The following TSPAN18 variants were observed in gnomAD, a reference collection of about 807,000 sequenced individuals.
The protein encoded by TSPAN18 is tetraspanin-18.
In TSPAN18, 14 loss-of-function variants were observed where a neutral mutation model predicts 27.3. That is an observed-to-expected ratio of 0.51 (90% CI 0.34 to 0.80). TSPAN18 has a LOEUF of 0.80. TSPAN18 is among the 30% of genes least tolerant of loss of function. The pLI, the probability that TSPAN18 is intolerant of heterozygous loss-of-function variation, is 0.01. For synonymous variants in TSPAN18, 143 were observed against 136.5 expected (o/e 1.05, Z -0.33); for missense variants, 268 against 323.9 (o/e 0.83, Z 1.32).
intron 9 of TSPAN18, among the ~76,000 whole-genome samples, 170 bp downstream of exon 9, chr11:44,926,927 G>A (rs1226682258): frequency 6.6e-6 from 1 of 152,208 alleles, no homozygotes; most frequent in African/African-American, 2.4e-5. Context: ...CTGCCTGAGA[G>A]TCATTCTTGA....
At chr11:44,886,383 A>AAACGCGCGC (rs1271318202) in intron 3 of TSPAN18, 1 of 152,232 alleles carries the variant, frequency 6.6e-6, no homozygotes, top group Non-Finnish European at 1.5e-5. Context: ...CAGTAAAATC[A>AAACGCGCGC]AATGCGCGCC....
chr11:44,926,692 C>G lies in TSPAN18; in HGVS notation c.634C>G (p.Leu212Val). Residue 212 changes from leucine (L) to valine (V), a missense_variant, in exon 9 of 10, where the codon CTC (leucine) becomes GTC (valine). Transcript: ENST00000520358. ...CTCCCAGGGCTGTTACACGGTGATC[C>G]TCAACACCTTCGAGACCTACGTCTA... ...LNKQGCYTVILNTFETYVYLA... is the reference protein window; with the variant it reads ...LNKQGCYTVIVNTFETYVYLA... 6.2e-7 allele frequency: 1 copy of G among 1,614,136 alleles called. No individual in the cohort carries two copies. Among genetic ancestry groups the G allele is most frequent in the Non-Finnish European group, 8.5e-7 (1 of 1,179,994 alleles).
chr11:44,756,233 A>G (rs12280479), intron 1 of TSPAN18, among the ~76,000 whole-genome samples: 51,443 of 141,766 alleles, frequency 0.36, 12,305 homozygotes, highest in East Asian at 0.84. Flanking sequence ...GTGAAGTCCA[A>G]TTGTTGTGAA....
chr11:44,737,043 T>G (rs550604076), intron 1 of TSPAN18, among the ~76,000 whole-genome samples: 2 of 152,212 alleles, frequency 1.3e-5, no homozygotes, highest in Non-Finnish European at 2.9e-5. Flanking sequence ...GTTGAACAGA[T>G]GCTCACATGC....
chr11:44,839,490 C>T (rs1453630791), intron 2 of TSPAN18, among the ~76,000 whole-genome samples: 1 of 152,126 alleles, frequency 6.6e-6, no homozygotes. Flanking sequence ...AAAGTATATC[C>T]TCCTGTCTTC....
intron 2 of TSPAN18, among the ~76,000 whole-genome samples, chr11:44,837,686 C>T (rs1008326449): frequency 6.6e-6 from 1 of 152,150 alleles, no homozygotes; most frequent in Non-Finnish European, 1.5e-5. Flanking sequence ...TTGCCACAGC[C>T]ATTATGACCT....
chr11:44,926,856 C>A, intron 9 of TSPAN18, 99 bp downstream of exon 9: 1 of 1,402,326 alleles, frequency 7.1e-7, no homozygotes, highest in Non-Finnish European at 1.0e-6. Flanking sequence ...TTTCCTTCAC[C>A]TGGGACCCAA....
At chr11:44,858,676 G>A (rs1394952054) in intron 2 of TSPAN18, among the ~76,000 whole-genome samples, 1 of 152,202 alleles carries the variant, frequency 6.6e-6, no homozygotes, top group Non-Finnish European at 1.5e-5. Flanking sequence ...ATGGAAGTTG[G>A]GGGAGATAGA....
chr11:44,833,002 C>T (rs1328677862), intron 2 of TSPAN18, among the ~76,000 whole-genome samples: 1 of 152,106 alleles, frequency 6.6e-6, no homozygotes, highest in East Asian at 1.9e-4. Context: ...CTGGGAATGC[C>T]CTTCTTCCCT....
chr11:44,798,449 A>G (rs835855), intron 2 of TSPAN18, among the ~76,000 whole-genome samples: 89,423 of 152,078 alleles, frequency 0.59, 27,912 homozygotes, highest in Non-Finnish European at 0.7. Flanking sequence ...AGCCAGATGT[A>G]GTCACAGAAA....
intron 2 of TSPAN18, among the ~76,000 whole-genome samples, chr11:44,851,619 C>A (rs978386917): frequency 3.4e-5 from 5 of 147,786 alleles, no homozygotes; most frequent in Non-Finnish European, 7.6e-5. Flanking sequence ...GTCACCTCCC[C>A]CCCCCAACGG....
chr11:44,867,003 T>C (rs1296976559), intron 3 of TSPAN18, among the ~76,000 whole-genome samples: 4 of 152,234 alleles, frequency 2.6e-5, no homozygotes, highest in African/African-American at 9.6e-5. Context: ...CAAGTATTGA[T>C]TGAACACCAA....
chr11:44,877,107 C>T (rs146560434), intron 3 of TSPAN18, among the ~76,000 whole-genome samples: 4 of 152,212 alleles, frequency 2.6e-5, no homozygotes, highest in African/African-American at 4.8e-5. Flanking sequence ...CATGCACTGC[C>T]GCTTCTGGAA....
intron 3 of TSPAN18, among the ~76,000 whole-genome samples, chr11:44,885,021 C>T (rs1858600864): frequency 6.6e-6 from 1 of 152,198 alleles, no homozygotes; most frequent in South Asian, 2.1e-4. Context: ...CAGAGTCATG[C>T]CCAGTTGTCC....
chr11:44,742,728 G>T (rs1854974411), intron 1 of TSPAN18, among the ~76,000 whole-genome samples: 1 of 152,210 alleles, frequency 6.6e-6, no homozygotes, highest in African/African-American at 2.4e-5. Context: ...TGCCCCCAGC[G>T]TGCTGACTCA....
intron 2 of TSPAN18, among the ~76,000 whole-genome samples, chr11:44,855,968 C>T (rs1180973381): frequency 2.0e-5 from 3 of 150,506 alleles, no homozygotes; most frequent in Non-Finnish European, 4.4e-5. Flanking sequence ...CTGCAACCTC[C>T]GTCTCCCAGG....
intron 3 of TSPAN18, among the ~76,000 whole-genome samples, chr11:44,890,298 T>A (rs1398193492): frequency 2.6e-5 from 4 of 152,270 alleles, no homozygotes; most frequent in African/African-American, 9.6e-5. Flanking sequence ...TAACTTCACT[T>A]TAACGTTTCA....
intron 2 of TSPAN18, among the ~76,000 whole-genome samples, chr11:44,848,827 G>C (rs1478431580): frequency 6.6e-6 from 1 of 152,220 alleles, no homozygotes; most frequent in Non-Finnish European, 1.5e-5. Flanking sequence ...TTGCCTAGGG[G>C]AGGTCTCTAA....
chr11:44,760,551 G>A (rs997931829), intron 1 of TSPAN18, among the ~76,000 whole-genome samples: 1 of 152,204 alleles, frequency 6.6e-6, no homozygotes, highest in Non-Finnish European at 1.5e-5. Flanking sequence ...AATTAAAACA[G>A]TAACAGTAGA....
Sources: allele counts gnomAD v4.1 joint callset (sites outside exome capture counted in the v4.1 genomes callset), GRCh38; gene constraint gnomAD v4.1.1; transcripts MANE v1.5; gene names NCBI Gene and HGNC (gene_info 2026-07-23, HGNC 2026-07-21).